Variants in CSMD1 observed in about 807,000 individuals in gnomAD.
The protein encoded by CSMD1 is CUB and Sushi multiple domains 1, also known as CUB and sushi domain-containing protein 1.
Under a neutral mutation model 417.5 loss-of-function variants are expected in CSMD1, and 213 were observed. That is an observed-to-expected ratio of 0.51 (90% CI 0.46 to 0.57). The LOEUF is 0.57. Among genes scored for constraint, CSMD1 ranks in the 20% least tolerant of loss-of-function variants. The pLI is 0.00. For synonymous variants in CSMD1, 2,862 were observed against 1,736.8 expected, an observed-to-expected ratio of 1.65 and a Z score of -16.11; for missense variants, 6,923 against 4,529.7, an observed-to-expected ratio of 1.53 and a Z score of -15.17.
intron 11 of CSMD1, among the ~76,000 whole-genome samples, chr8:3,482,241 G>C (rs966562026): frequency 2.0e-5 from 3 of 152,006 alleles, no homozygotes; most frequent in Non-Finnish European, 2.9e-5. Context: ...GAGAGAGGCA[G>C]AATGTATTAA....
chr8:4,073,299 A>T (rs995682371), intron 3 of CSMD1, among the ~76,000 whole-genome samples: 1 of 152,196 alleles, frequency 6.6e-6, no homozygotes, highest in South Asian at 2.1e-4. Flanking sequence ...GAGTAAAGAA[A>T]TTTAGCTGAA....
chr8:3,712,463 G>A (rs892411395), intron 6 of CSMD1, among the ~76,000 whole-genome samples: 4 of 151,862 alleles, frequency 2.6e-5, no homozygotes, highest in Non-Finnish European at 5.9e-5. Context: ...AGAAACTAGA[G>A]CTGCAGGAAT....
chr8:4,491,602 A>G (rs948626549), intron 2 of CSMD1, among the ~76,000 whole-genome samples: 4 of 152,190 alleles, frequency 2.6e-5, no homozygotes, highest in African/African-American at 9.7e-5. Context: ...CACCTCATGA[A>G]AAAAGATACA....
At chr8:4,173,620 G>T (rs141516561) in intron 3 of CSMD1, among the ~76,000 whole-genome samples, 1 of 152,138 alleles carries the variant, frequency 6.6e-6, no homozygotes, top group South Asian at 2.1e-4. Context: ...ACATAGCTTT[G>T]TGGAAGTTCG....
chr8:4,790,258 G>C (rs773631937), intron 1 of CSMD1, among the ~76,000 whole-genome samples: 4 of 151,930 alleles, frequency 2.6e-5, no homozygotes, highest in Admixed American at 6.6e-5. Context: ...AAAATAACTA[G>C]GAATACAGCT....
intron 2 of CSMD1, among the ~76,000 whole-genome samples, chr8:4,551,248 A>G (rs1326271035): frequency 6.7e-6 from 1 of 148,822 alleles, no homozygotes; most frequent in Non-Finnish European, 1.5e-5. Context: ...ATGCAGAGGC[A>G]GGCTATCTTT....
intron 3 of CSMD1, among the ~76,000 whole-genome samples, chr8:4,130,204 G>C (rs1803013136): frequency 6.6e-6 from 1 of 152,100 alleles, no homozygotes; most frequent in Admixed American, 6.6e-5. Flanking sequence ...GAGTGGCTCA[G>C]GGTCCCTCAC....
At position 2,964,847 on chromosome 8, in the gene CSMD1, G is replaced by T. The variant is rs921533602; in HGVS notation, c.9280+928C>A. Among the ~76,000 whole-genome samples the T allele has an allele frequency of 3.3e-5, 5 of 152,126 alleles. 1 individual carries two copies. The South Asian group carries it at 1.0e-3, about 32-fold the overall frequency. On this transcript the variant is annotated intron_variant, in intron 59 of 69. Coordinates refer to ENST00000635120, the MANE Select transcript of CSMD1 (RefSeq NM_033225.6). ...GAAAGCCATATTTTTGAGCATTCAG[G>T]TCACATTTAAGCCTCTGCCACATTT...
intron 1 of CSMD1, among the ~76,000 whole-genome samples, chr8:4,843,709 T>C (rs1259413885): frequency 6.6e-6 from 1 of 152,198 alleles, no homozygotes; most frequent in Non-Finnish European, 1.5e-5. Flanking sequence ...TTCCAGAATA[T>C]ATTATTCTGT....
intron 1 of CSMD1, among the ~76,000 whole-genome samples, chr8:4,805,601 G>A (rs1043377881): frequency 6.6e-6 from 1 of 152,178 alleles, no homozygotes; most frequent in East Asian, 1.9e-4. Context: ...AGCCAAAACT[G>A]AGGAAGTGCT....
intron 10 of CSMD1, among the ~76,000 whole-genome samples, chr8:3,510,200 G>C (rs1243051389): frequency 6.7e-6 from 1 of 149,792 alleles, no homozygotes; most frequent in African/African-American, 2.6e-5. Flanking sequence ...GTACTGTGGG[G>C]CTGGACATCA....
chr8:3,847,815 T>G (rs1051681015), intron 5 of CSMD1, among the ~76,000 whole-genome samples: 1 of 152,204 alleles, frequency 6.6e-6, no homozygotes, highest in African/African-American at 2.4e-5. Context: ...TAATTGCACA[T>G]CAAACCTCAT....
chr8:4,006,445 G>A (rs559530013), intron 4 of CSMD1, among the ~76,000 whole-genome samples: 8 of 152,326 alleles, frequency 5.3e-5, no homozygotes, highest in Non-Finnish European at 8.8e-5. Flanking sequence ...TTGGGAGGCT[G>A]AGGCCGAAGA....
chr8:4,506,414 G>T (rs371333090), intron 2 of CSMD1, among the ~76,000 whole-genome samples: 1 of 152,028 alleles, frequency 6.6e-6, no homozygotes, highest in Non-Finnish European at 1.5e-5. Flanking sequence ...AGTGATGAAC[G>T]CCGCACTTCA....
chr8:4,452,850 G>A (rs910182347), intron 2 of CSMD1, among the ~76,000 whole-genome samples: 2 of 152,126 alleles, frequency 1.3e-5, no homozygotes, highest in Admixed American at 1.3e-4. Context: ...AAGGCAAAAT[G>A]AGAAGGTGAT....
chr8:2,986,479 A>C (rs1022814726), intron 54 of CSMD1, among the ~76,000 whole-genome samples: 2 of 152,048 alleles, frequency 1.3e-5, no homozygotes, highest in Non-Finnish European at 2.9e-5. Context: ...GCCTACACAG[A>C]TATTAATATT....
intron 25 of CSMD1, among the ~76,000 whole-genome samples, chr8:3,288,509 C>G (rs1177245171): frequency 6.8e-6 from 1 of 147,244 alleles, no homozygotes; most frequent in Non-Finnish European, 1.5e-5. Flanking sequence ...GATTCAACTT[C>G]TTCCTGGTTT....
At chr8:3,848,029 G>A (rs1014011443) in intron 5 of CSMD1, among the ~76,000 whole-genome samples, 1 of 143,922 alleles carries the variant, frequency 6.9e-6, no homozygotes, top group Admixed American at 6.7e-5. Context: ...CCTGACACAT[G>A]TTTTTATTTT....
chr8:4,293,743 C>T (rs537171661), intron 3 of CSMD1, among the ~76,000 whole-genome samples: 3 of 152,250 alleles, frequency 2.0e-5, no homozygotes, highest in African/African-American at 7.2e-5. Context: ...TATTAAAGCA[C>T]AGATATTTTT....
Sources: allele counts gnomAD v4.1 joint callset (sites outside exome capture counted in the v4.1 genomes callset), GRCh38; gene constraint gnomAD v4.1.1; transcripts MANE v1.5; gene names NCBI Gene and HGNC (gene_info 2026-07-23, HGNC 2026-07-21).